CNGB3: variants seen among roughly 807,000 people sequenced by gnomAD.
CNGB3 encodes the protein cyclic nucleotide-gated channel beta-3.
CNGB3 carries 86 observed loss-of-function variants against 92.8 expected under a neutral mutation model. The observed-to-expected ratio is 0.93, with a 90% CI of 0.78 to 1.11. CNGB3 has a LOEUF of 1.11. CNGB3 is among the 50% of genes least tolerant of loss of function. The pLI, the probability that CNGB3 is intolerant of heterozygous loss-of-function variation, is 0.00. For missense variants in CNGB3, 1,026 were observed against 956.8 expected (o/e 1.07, Z -0.95); for synonymous variants, 333 against 332.7 (o/e 1.00, Z -0.01).
intron 15 of CNGB3, among the ~76,000 whole-genome samples, chr8:86,582,496 GAAACA>G (rs1821808107): frequency 6.6e-6 from 1 of 151,812 alleles, no homozygotes; most frequent in African/African-American, 2.4e-5. Flanking sequence ...AATGCCAAAA[GAAACA>G]AAACAAATGA....
intron 15 of CNGB3, among the ~76,000 whole-genome samples, chr8:86,598,382 G>C (rs1304493566): frequency 3.9e-5 from 6 of 152,230 alleles, no homozygotes; most frequent in Non-Finnish European, 5.9e-5. Flanking sequence ...GACAGGTGTT[G>C]AAGGCGGAGT....
At chr8:86,665,258 A>G (rs576790606) in intron 6 of CNGB3, among the ~76,000 whole-genome samples, 1 of 152,310 alleles carries the variant, frequency 6.6e-6, no homozygotes, top group South Asian at 2.1e-4. Context: ...CTAAAAAGTC[A>G]AAAAACAGCT....
chr8:86,585,370 C>T (rs1821872342), intron 15 of CNGB3, among the ~76,000 whole-genome samples: 1 of 150,388 alleles, frequency 6.6e-6, no homozygotes, highest in Non-Finnish European at 1.5e-5. Context: ...TAAGATAGTC[C>T]CTGGTCAGTC....
At chr8:86,626,661 C>T (rs1563731681) in intron 12 of CNGB3, among the ~76,000 whole-genome samples, 1 of 152,100 alleles carries the variant, frequency 6.6e-6, no homozygotes, top group Non-Finnish European at 1.5e-5. Context: ...TAGTAGGTGG[C>T]TCAGCTGGGA....
At chr8:86,704,905 G>A (rs1824623699) in intron 3 of CNGB3, among the ~76,000 whole-genome samples, 1 of 152,028 alleles carries the variant, frequency 6.6e-6, no homozygotes, top group Admixed American at 6.5e-5. Context: ...AGTAACATCT[G>A]TGTCATCAAA....
intron 6 of CNGB3, chr8:86,660,127 C>T (rs769095262): frequency 2.3e-5 from 7 of 310,504 alleles, no homozygotes; most frequent in East Asian, 7.9e-5. Context: ...CACATATCCT[C>T]AGGTGAATGG....
At chr8:86,739,112 T>C (rs980684087) in intron 2 of CNGB3, among the ~76,000 whole-genome samples, 1 of 151,956 alleles carries the variant, frequency 6.6e-6, no homozygotes. Context: ...AGTTGAAAAA[T>C]ATTGAGTCTT....
At chr8:86,589,255 G>T (rs1255180323) in intron 15 of CNGB3, among the ~76,000 whole-genome samples, 1 of 150,762 alleles carries the variant, frequency 6.6e-6, no homozygotes, top group African/African-American at 2.5e-5. Context: ...CTTGCTAGCG[G>T]TCTATCAATT....
intron 1 of CNGB3, among the ~76,000 whole-genome samples, chr8:86,739,991 T>C (rs922767026): frequency 3.3e-5 from 5 of 152,198 alleles, no homozygotes; most frequent in South Asian, 2.1e-4. Flanking sequence ...ATTCCTTCAA[T>C]TGTGGTCTTT....
intron 3 of CNGB3, among the ~76,000 whole-genome samples, chr8:86,724,826 C>T (rs1040698227): frequency 2.0e-5 from 3 of 151,800 alleles, no homozygotes; most frequent in African/African-American, 7.3e-5. Context: ...CAAAAGCCTG[C>T]GGCAGGAGGG....
At chr8:86,731,809 AC>A (rs1424297591) in intron 2 of CNGB3, among the ~76,000 whole-genome samples, 1 of 152,194 alleles carries the variant, frequency 6.6e-6, no homozygotes, top group Non-Finnish European at 1.5e-5. Context: ...CAATATAAAC[AC>A]AAAGTGTTCC....
intron 15 of CNGB3, among the ~76,000 whole-genome samples, chr8:86,592,904 A>G (rs1822078518): frequency 6.6e-6 from 1 of 152,198 alleles, no homozygotes; most frequent in Admixed American, 6.5e-5. Context: ...GAAACACTTT[A>G]TTCCTTGCAA....
chr8:86,650,045 T>A (rs1482855432), intron 7 of CNGB3, among the ~76,000 whole-genome samples: 1 of 151,082 alleles, frequency 6.6e-6, no homozygotes, highest in Non-Finnish European at 1.5e-5. Context: ...ATGAAAAAAA[T>A]GCCCCCCCGC....
intron 6 of CNGB3, chr8:86,658,386 G>A: frequency 2.3e-6 from 1 of 437,994 alleles, no homozygotes; most frequent in Non-Finnish European, 4.3e-6. Context: ...AGCCATGAGG[G>A]TCAGCTGGGC....
At chr8:86,630,868 G>A (rs1410058784) in intron 11 of CNGB3, among the ~76,000 whole-genome samples, 2 of 152,104 alleles carry the variant, frequency 1.3e-5, no homozygotes, top group Non-Finnish European at 2.9e-5. Flanking sequence ...GCCAGACCCT[G>A]TCTCTTAATA....
At chr8:86,612,464 G>C (rs1375617395) in intron 13 of CNGB3, among the ~76,000 whole-genome samples, 2 of 152,146 alleles carry the variant, frequency 1.3e-5, no homozygotes, top group East Asian at 3.8e-4. Context: ...GGGTGGTCCT[G>C]TCCACCCCTT....
At chr8:86,584,363 A>C (rs1169383328) in intron 15 of CNGB3, among the ~76,000 whole-genome samples, 1 of 152,208 alleles carries the variant, frequency 6.6e-6, no homozygotes, top group Non-Finnish European at 1.5e-5. Context: ...TTTGAACCTG[A>C]GAATATCTGT....
intron 7 of CNGB3, among the ~76,000 whole-genome samples, chr8:86,652,401 T>G (rs940537240): frequency 1.3e-5 from 2 of 151,970 alleles, no homozygotes; most frequent in Non-Finnish European, 2.9e-5. Context: ...TAACAATTTT[T>G]TCTTTAATAA....
chr8:86,626,374 A>T (rs910703929), intron 12 of CNGB3, among the ~76,000 whole-genome samples: 8 of 152,230 alleles, frequency 5.3e-5, no homozygotes, highest in African/African-American at 1.4e-4. Flanking sequence ...TAATGATCAT[A>T]GCACAAAGGC....
Sources: allele counts gnomAD v4.1 joint callset (sites outside exome capture counted in the v4.1 genomes callset), GRCh38; gene constraint gnomAD v4.1.1; transcripts MANE v1.5; gene names NCBI Gene and HGNC (gene_info 2026-07-23, HGNC 2026-07-21).